The following ACO2 variants were observed in gnomAD, a reference collection of about 807,000 sequenced individuals.
ACO2 encodes aconitase 2, also known as aconitate hydratase, mitochondrial.
In ACO2, 31 loss-of-function variants were observed where a neutral mutation model predicts 84.5. That is an observed-to-expected ratio of 0.37 (90% CI 0.28 to 0.50). The LOEUF is 0.50. Among genes scored for constraint, ACO2 ranks in the 20% least tolerant of loss-of-function variants. ACO2 has a pLI of 0.97. For missense variants in ACO2, 685 were observed against 1,029.3 expected (o/e 0.67, Z 4.58); for synonymous variants, 414 against 412.7 (o/e 1.00, Z -0.04).
At chr22:41,526,951 TCA>T in intron 15 of ACO2, 1 of 409,984 alleles carries the variant, frequency 2.4e-6, no homozygotes. Context: ...GCCTTGAGCT[TCA>T]CAGATGCATC....
In ACO2 at chr22:41,508,068, TG is replaced by T; in HGVS notation, c.432+24del. On this transcript the variant is annotated intron_variant, in intron 3 of 17. Transcript: ENST00000216254. ...GGCCAAGGTGAGCAGAAGGTGGCTTTGGGGGTGGGCAAGTGGGCAAGACTGG... is the reference window on the plus strand; with the variant it reads ...GGCCAAGGTGAGCAGAAGGTGGCTTTGGGGTGGGCAAGTGGGCAAGACTGG... 1.3e-6 allele frequency: 2 copies of T among 1,599,726 alleles called. No homozygotes were observed. The highest frequency in any genetic ancestry group is 2.2e-5 in the South Asian group (2 of 90,034).
rs1375435573 is a variant in ACO2, at chr22:41,470,648, T to A, written c.36+1466T>A. Among the ~76,000 whole-genome samples, 7 of 149,996 alleles carry A rather than the reference T, an allele frequency of 4.7e-5. 1 individual carries two copies. The Admixed American group carries it at 4.8e-4, about 10-fold the overall frequency. ...ACTCTGCCTCCTGGGTTCAAGTGAC[T>A]CTCCTGCCCTCAGCTTCCCGAGTAG... is the stretch of plus-strand genomic sequence containing the variant. On this transcript the variant is annotated intron_variant, in intron 1 of 17. Coordinates refer to ENST00000216254, the MANE Select transcript of ACO2 (RefSeq NM_001098.3).
intron 8 of ACO2, 123 bp downstream of exon 8, chr22:41,518,695 A>T: frequency 1.4e-6 from 1 of 725,288 alleles, no homozygotes; most frequent in South Asian, 1.4e-5. Context: ...GCACTTTGGG[A>T]GGCCAAGGCA....
intron 6 of ACO2, chr22:41,516,163 G>T: frequency 6.4e-6 from 4 of 627,972 alleles, no homozygotes; most frequent in South Asian, 5.7e-5. Flanking sequence ...TAACTGTGTG[G>T]CCACACACGG....
rs760421160 is a variant in ACO2 at position 41,525,213 on chromosome 22, C to T, written c.1626C>T (p.Asp542=). The T allele has an allele frequency of 1.2e-6, 2 of 1,614,114 alleles. No individual in the cohort carries two copies. Among genetic ancestry groups the T allele is most frequent in the African/African-American group, 1.3e-5 (1 of 75,052 alleles). The change falls in exon 14 of 18, where the codon GAC becomes GAT. Residue 542 remains aspartate, a synonymous_variant. Coordinates refer to ENST00000216254, the MANE Select transcript of ACO2 (RefSeq NM_001098.3). The stretch of plus-strand genomic sequence containing the variant: ...TGCAGGAGTTTGACCCAGGGCAGGA[C>T]ACCTACCAGCACCCACCCAAGGACA... ...LPKGEFDPGQ[D]TYQHPPKDSS... is the part of the protein sequence containing the mutation.
Position 41,515,770 on chromosome 22 carries a change from A to G in ACO2, c.688A>G (p.Ile230Val), listed in dbSNP as rs376654323. The G allele has an allele frequency of 4.3e-6, 7 of 1,613,178 alleles. No homozygotes were observed. In the African/African-American group the frequency reaches 9.3e-5, roughly 22 times the overall value. Residue 230 changes from isoleucine to valine, a missense_variant, in exon 6 of 18, where the codon ATT becomes GTT. By Grantham distance (29) the Ile-to-Val change is conservative. Around this residue, in one of 5 missense-constraint regions of ACO2, gnomAD observed 92 missense variants for 203.7 expected, o/e 0.45. Coordinates refer to ENST00000216254, the MANE Select transcript of ACO2 (RefSeq NM_001098.3). This position sits in a 1 kb window ranked among gnomAD's most constrained non-coding sequence, Gnocchi z 5.8. Reference sequence around the variant, plus strand: ...CGCCTCGCCCCCTCCTGTCCAGGTGATTGGCGTGAAGCTGACGGGCTCTCT... The same window carrying G: ...CGCCTCGCCCCCTCCTGTCCAGGTGGTTGGCGTGAAGCTGACGGGCTCTCT... ...IPWELKCPKV[I>V]GVKLTGSLSG...
rs199914240 is a variant in ACO2, at chr22:41,516,929, CA to C, written c.836-597del. Among the ~76,000 whole-genome samples, 626 of 151,966 alleles carry C rather than the reference CA, an allele frequency of 4.1e-3. 4 individuals are homozygous for C. Among genetic ancestry groups the C allele is most frequent in the African/African-American group, 0.012 (510 of 41,426 alleles). ...TTTTTTAGTAGAGATGGGTTTTCAC[CA>C]TGTTGGCCAGGCTGGTCTCAAACTC... On this transcript the variant is annotated intron_variant, in intron 6 of 17. Coordinates refer to ENST00000216254, the MANE Select transcript of ACO2 (RefSeq NM_001098.3).
chr22:41,469,665 T>C (rs1188815176), intron 1 of ACO2, among the ~76,000 whole-genome samples: 1 of 152,116 alleles, frequency 6.6e-6, no homozygotes, highest in Non-Finnish European at 1.5e-5. Flanking sequence ...GTACCACCTT[T>C]TGAGGACCCT....
intron 4 of ACO2, 59 bp downstream of exon 4, chr22:41,512,027 C>T: frequency 2.8e-6 from 4 of 1,418,834 alleles, no homozygotes; most frequent in Non-Finnish European, 3.8e-6. Context: ...ATGTTCCAGG[C>T]CTATGGGGGG....
intron 9 of ACO2, chr22:41,521,637 T>C (rs1306004096): frequency 6.6e-6 from 1 of 152,200 alleles, no homozygotes; most frequent in Non-Finnish European, 1.5e-5. Flanking sequence ...ATAAGGGCAA[T>C]ATAATGTGTT....
intron 17 of ACO2, 66 bp from the exon 18 acceptor site, chr22:41,528,412 AC>A: frequency 1.9e-6 from 3 of 1,576,074 alleles, no homozygotes; most frequent in East Asian, 2.3e-5. Context: ...TGTCTCCCTG[AC>A]CCCCCTGCGG....
chr22:41,510,921 G>A (rs949783621), intron 3 of ACO2, among the ~76,000 whole-genome samples: 1 of 152,280 alleles, frequency 6.6e-6, no homozygotes, highest in Admixed American at 6.5e-5. Flanking sequence ...CAGCACTTCC[G>A]ACAGTCAGAC....
intron 2 of ACO2, among the ~76,000 whole-genome samples, chr22:41,504,707 G>A (rs866230287): frequency 6.6e-5 from 8 of 121,306 alleles, no homozygotes; most frequent in African/African-American, 3.1e-4. Flanking sequence ...CAGCACCTTA[G>A]GGACTTTTTT....
intron 1 of ACO2, among the ~76,000 whole-genome samples, chr22:41,495,497 A>G (rs1601896477): frequency 6.6e-6 from 1 of 152,070 alleles, no homozygotes; most frequent in Admixed American, 6.6e-5. Flanking sequence ...AGTAGTCTGT[A>G]GTTTGCTTAA....
chr22:41,523,771 C>A, intron 11 of ACO2, 59 bp from the exon 12 acceptor site: 1 of 1,459,928 alleles, frequency 6.8e-7, no homozygotes, highest in Non-Finnish European at 9.6e-7. Flanking sequence ...TATCTGTCCT[C>A]GGGACAGGCC....
At chr22:41,496,898 A>C (rs1029195798) in intron 1 of ACO2, among the ~76,000 whole-genome samples, 1 of 152,106 alleles carries the variant, frequency 6.6e-6, no homozygotes, top group African/African-American at 2.4e-5. Context: ...CTCTGGGTAC[A>C]TACTGGGTTC....
chr22:41,499,448 AG>A (rs2066338230), intron 1 of ACO2, among the ~76,000 whole-genome samples: 3 of 152,162 alleles, frequency 2.0e-5, no homozygotes. Flanking sequence ...TTAGTCAATG[AG>A]GGCTTTTCTT....
rs1287019831 is a variant in ACO2 at position 41,515,993 on chromosome 22, G to T, written c.835+76G>T. 1 of 1,535,254 alleles carries T rather than the reference G, an allele frequency of 6.5e-7. No homozygotes were observed. The highest frequency in any genetic ancestry group is 8.9e-7 in the Non-Finnish European group (1 of 1,128,218). ...GGGTCTCCAGTTGGGAGTAGAAGCGGTGAATGGCCTTCACTTGAGAATCTG... is the reference window on the plus strand; with the variant it reads ...GGGTCTCCAGTTGGGAGTAGAAGCGTTGAATGGCCTTCACTTGAGAATCTG... On this transcript the variant is annotated intron_variant, in intron 6 of 17. Coordinates refer to ENST00000216254, the MANE Select transcript of ACO2 (RefSeq NM_001098.3). The surrounding 1 kb of genome is among the most constrained non-coding windows in gnomAD (Gnocchi z 5.8).
At chr22:41,476,000 C>T (rs2038009308) in intron 1 of ACO2, among the ~76,000 whole-genome samples, 1 of 152,002 alleles carries the variant, frequency 6.6e-6, no homozygotes, top group Non-Finnish European at 1.5e-5. Flanking sequence ...TCTCTGTGGT[C>T]CTGCAGTTAG....
Sources: gnomAD v4.1 joint callset for allele counts (sites outside exome capture counted in the v4.1 genomes callset) on GRCh38, gnomAD v4.1.1 for gene constraint, gnomAD v4.1.1 regional missense constraint, Gnocchi (gnomAD v3.1) non-coding constraint, MANE v1.5 for transcripts, NCBI Gene and HGNC (gene_info 2026-07-23, HGNC 2026-07-21) for gene names.